PIK3R6: variants seen among roughly 807,000 people sequenced by gnomAD.
PIK3R6 encodes phosphoinositide 3-kinase regulatory subunit 6.
A neutral mutation model predicts 84.9 loss-of-function variants in PIK3R6; 91 were observed. The ratio of observed to expected loss-of-function variants is 1.07; its 90% CI spans 0.90 to 1.28. PIK3R6 has a LOEUF of 1.28. Among genes scored for constraint, PIK3R6 ranks in the 50% most tolerant of loss-of-function variants. The pLI, the probability that PIK3R6 is intolerant of heterozygous loss-of-function variation, is 0.00. For missense variants in PIK3R6, 996 were observed against 985.1 expected (o/e 1.01, Z -0.15); for synonymous variants, 416 against 411.4 (o/e 1.01, Z -0.13).
rs1272738817 is a variant in PIK3R6 at position 8,836,900 on chromosome 17, G to A, written c.282C>T (p.Leu94=). 2 of 1,550,400 alleles carry A rather than the reference G, an allele frequency of 1.3e-6. No homozygotes were observed. Among genetic ancestry groups the A allele is most frequent in the East Asian group, 2.4e-5 (1 of 40,858 alleles). The change falls in exon 6 of 20, where the codon CTC becomes CTT. Residue 94 remains leucine (L), a synonymous_variant. Transcript: ENST00000619866. ...LTKATGITEE[L]YQRIYAFCTR... ...TGCAAAAGGCATAGATTCTCTGGTA[G>A]AGCTCTTCTGTGATTCCTGTGGCCT...
intron 9 of PIK3R6, 88 bp downstream of exon 9, chr17:8,832,801 T>C: frequency 6.4e-7 from 1 of 1,568,584 alleles, no homozygotes; most frequent in Non-Finnish European, 8.6e-7. Flanking sequence ...CAGAGGCAGG[T>C]CCAGCGCTGC....
Position 8,829,540 on chromosome 17 carries a change from GCA to G in PIK3R6, c.889+164_889+165del, listed in dbSNP as rs756079216. On this transcript the variant is annotated intron_variant, in intron 10 of 19. Transcript: ENST00000619866. ...CATACACACACACTGACACACGCAT[GCA>G]CACAGACACACACTCATGCACACAT... is the stretch of plus-strand genomic sequence containing the variant. 5.1e-3 allele frequency among the ~76,000 whole-genome samples: 547 copies of G among 107,554 alleles called. 7 individuals are homozygous for G. The highest frequency in any genetic ancestry group is 4.6e-3 in the Admixed American group (48 of 10,464). The allele number at this position is 107,554 out of a possible 152,430, so 70.6% of individuals were successfully genotyped here. A position where few individuals can be genotyped will look rare whatever the true frequency, so the allele number is the denominator to read the frequency against.
intron 8 of PIK3R6, among the ~76,000 whole-genome samples, chr17:8,834,146 G>C (rs2088368355): frequency 8.3e-6 from 1 of 119,862 alleles, no homozygotes; most frequent in African/African-American, 3.3e-5. Flanking sequence ...AACAGAGCAA[G>C]ACTTCGTCTC....
chr17:8,831,926 A>G (rs1173496151), intron 9 of PIK3R6, among the ~76,000 whole-genome samples: 1 of 152,230 alleles, frequency 6.6e-6, no homozygotes, highest in Non-Finnish European at 1.5e-5. Flanking sequence ...CAGGGTAGGC[A>G]TTATCTTACC....
At chr17:8,838,407 C>T (rs2151274106) in intron 4 of PIK3R6, 157 bp downstream of exon 4, 2 of 598,342 alleles carry the variant, frequency 3.3e-6, no homozygotes, top group Non-Finnish European at 5.8e-6. Context: ...AAAGAAAATA[C>T]TGCTTACGTA....
At chr17:8,812,961 T>C (rs1217264346) in intron 18 of PIK3R6, among the ~76,000 whole-genome samples, 2 of 152,118 alleles carry the variant, frequency 1.3e-5, no homozygotes, top group African/African-American at 4.8e-5. Flanking sequence ...AAAAATTGGT[T>C]CTTTGAAATG....
chr17:8,828,648 G>T lies in PIK3R6; in HGVS notation c.1232C>A (p.Ser411Tyr). ...AAGTACCCGGGCTGTGTGCAGCCGG[G>T]ACACGCCGGGCAGCATTTCCCCATC... ...SGDGEMLPGV[S>Y]RLHTARVLVL... The change falls in exon 11 of 20, where the codon TCC becomes TAC. Residue 411 changes from serine to tyrosine, a missense_variant. Coordinates refer to ENST00000619866, the MANE Select transcript of PIK3R6 (RefSeq NM_001010855.4). 6.2e-7 allele frequency: 1 copy of T among 1,613,268 alleles called. No homozygotes were observed. Among genetic ancestry groups the T allele is most frequent in the Non-Finnish European group, 8.5e-7 (1 of 1,179,656 alleles).
intron 17 of PIK3R6, 119 bp downstream of exon 17, chr17:8,821,727 T>A: frequency 9.0e-7 from 1 of 1,111,664 alleles, no homozygotes; most frequent in South Asian, 1.5e-5. Context: ...CAAGTCCTGG[T>A]CCTGGCTCCA....
At chr17:8,835,539 T>C in intron 7 of PIK3R6, 83 bp from the exon 8 acceptor site, 1 of 1,172,430 alleles carries the variant, frequency 8.5e-7, no homozygotes, top group Non-Finnish European at 1.2e-6. Context: ...CTCAGAGCTG[T>C]GCAGCACCTC....
chr17:8,852,550 C>A (rs2088997570), intron 1 of PIK3R6, among the ~76,000 whole-genome samples: 1 of 151,874 alleles, frequency 6.6e-6, no homozygotes, highest in Admixed American at 6.6e-5. Flanking sequence ...CCAGCCTGAC[C>A]AACGTGGTGA....
intron 13 of PIK3R6, 29 bp from the exon 14 acceptor site, chr17:8,823,526 C>A (rs1289248639): frequency 5.4e-6 from 8 of 1,484,796 alleles, no homozygotes; most frequent in Non-Finnish European, 7.5e-6. Context: ...ATGTCTTCAC[C>A]AACTCCCCCA....
chr17:8,839,547 C>T lies in PIK3R6; in HGVS notation c.97+67G>A, dbSNP rs60199991. On this transcript the variant is annotated intron_variant, in intron 3 of 19. Transcript: ENST00000619866. The surrounding 1 kb of genome is among the most constrained non-coding windows in gnomAD (Gnocchi z 4.2). ...AGGCCGGGGCTCTTTCCTGTATGCGCGTGTATTGTTGGCTGGGGTTGGGTG... is the reference window on the plus strand; with the variant it reads ...AGGCCGGGGCTCTTTCCTGTATGCGTGTGTATTGTTGGCTGGGGTTGGGTG... 3,612 of 1,316,978 alleles carry T rather than the reference C, an allele frequency of 2.7e-3. 47 individuals carry two copies. In the East Asian group the frequency reaches 0.032, roughly 12 times the overall value. 81.6% of individuals were successfully genotyped at this position (1,316,978 alleles called of 1,614,324 possible).
In PIK3R6 at chr17:8,835,453, C is replaced by T. The variant is rs1318636215; in HGVS notation, c.465G>A (p.Val155=). 8 of 1,558,968 alleles carry T rather than the reference C, an allele frequency of 5.1e-6. No individual in the cohort carries two copies. Among genetic ancestry groups the T allele is most frequent in the Non-Finnish European group, 7.0e-6 (8 of 1,142,426 alleles). Residue 155 remains valine (V), a synonymous_variant, in exon 8 of 20, where the codon GTG becomes GTA. Coordinates refer to ENST00000619866, the MANE Select transcript of PIK3R6 (RefSeq NM_001010855.4). ...TNELYPYQER[V]FLFVDPELVS... ...CCAGCTCAGGATCCACGAAGAGGAA[C>T]ACTCTGAGGGCAGAAGCAGAGGGGA...
At chr17:8,836,977 A>C in intron 5 of PIK3R6, 54 bp from the exon 6 acceptor site, 1 of 500,374 alleles carries the variant, frequency 2.0e-6, no homozygotes, top group Non-Finnish European at 3.1e-6. Context: ...GGTAAGAGGG[A>C]GGAGGGGGAG....
At chr17:8,823,247 G>T in intron 14 of PIK3R6, 140 bp downstream of exon 14, 1 of 798,788 alleles carries the variant, frequency 1.3e-6, no homozygotes, top group East Asian at 2.6e-5. Context: ...TTCATTTAGA[G>T]ATGAAGAAGG....
At chr17:8,853,416 T>C (rs1027856213) in intron 1 of PIK3R6, among the ~76,000 whole-genome samples, 7 of 143,914 alleles carry the variant, frequency 4.9e-5, no homozygotes, top group African/African-American at 1.5e-4. Flanking sequence ...ACTCGGGCAG[T>C]GGAGCTTGCA....
chr17:8,855,230 AC>A (rs1220658543), intron 1 of PIK3R6, among the ~76,000 whole-genome samples: 1 of 151,562 alleles, frequency 6.6e-6, no homozygotes, highest in Non-Finnish European at 1.5e-5. Context: ...AAACAAAACA[AC>A]AATAAAATAA....
intron 17 of PIK3R6, among the ~76,000 whole-genome samples, chr17:8,820,632 TG>T (rs111356788): frequency 6.6e-6 from 1 of 152,222 alleles, no homozygotes; most frequent in African/African-American, 2.4e-5. Context: ...CCTGCTGTGA[TG>T]GAGTTTTATA....
In PIK3R6 at chr17:8,841,773, T is replaced by C. The variant is rs993423382; in HGVS notation, c.14-2076A>G. ...TTGGGAAGTGTGGTAGCTGTGAGAATGTACCTCGCTCCTCTCCCACTACCG... is the reference window on the plus strand; with the variant it reads ...TTGGGAAGTGTGGTAGCTGTGAGAACGTACCTCGCTCCTCTCCCACTACCG... On this transcript the variant is annotated intron_variant, in intron 2 of 19. Coordinates refer to ENST00000619866, the MANE Select transcript of PIK3R6 (RefSeq NM_001010855.4). Among the ~76,000 whole-genome samples the C allele has an allele frequency of 2.2e-4, 34 of 152,020 alleles. 1 individual carries two copies. The highest frequency in any genetic ancestry group is 1.2e-3 in the Admixed American group (19 of 15,262).
Sources: gnomAD v4.1 joint callset for allele counts (sites outside exome capture counted in the v4.1 genomes callset) on GRCh38, gnomAD v4.1.1 for gene constraint, Gnocchi (gnomAD v3.1) non-coding constraint, MANE v1.5 for transcripts, NCBI Gene and HGNC (gene_info 2026-07-23, HGNC 2026-07-21) for gene names.